Variants in USP15 observed in about 807,000 individuals in gnomAD.
The protein encoded by USP15 is ubiquitin carboxyl-terminal hydrolase 15.
USP15 carries 18 observed loss-of-function variants against 127.1 expected under a neutral mutation model. The observed-to-expected ratio is 0.14, with a 90% CI of 0.10 to 0.21. The LOEUF is 0.21. Among genes scored for constraint, USP15 ranks in the 10% least tolerant of loss-of-function variants. The pLI is 1.00. For missense variants in USP15, 805 were observed against 1,159.9 expected, an observed-to-expected ratio of 0.69 and a Z score of 4.44; for synonymous variants, 364 against 393.7, an observed-to-expected ratio of 0.92 and a Z score of 0.89.
Position 62,265,653 on chromosome 12 carries a change from T to G in USP15, c.89+5150T>G, listed in dbSNP as rs2063175024. Among the ~76,000 whole-genome samples the G allele has an allele frequency of 2.0e-5, 3 of 152,236 alleles. No individual in the cohort carries two copies. The South Asian group carries it at 6.2e-4, about 32-fold the overall frequency. On this transcript the variant is annotated intron_variant, in intron 1 of 21. Coordinates refer to ENST00000280377, the MANE Select transcript of USP15 (RefSeq NM_001252078.2). ...CTTCAAACTCCTTGGCTCAAGCAAT[T>G]TTCCTGCCTCAGCCTCTGAAATAGC...
intron 1 of USP15, chr12:62,278,687 G>A (rs540752615): frequency 6.6e-6 from 1 of 152,198 alleles, no homozygotes; most frequent in South Asian, 2.1e-4. Context: ...GTTACAGCCT[G>A]CTAAACTCAT....
chr12:62,401,336 A>T (rs1291751540), intron 21 of USP15, 61 bp downstream of exon 21: 42 of 1,346,642 alleles, frequency 3.1e-5, no homozygotes, highest in Non-Finnish European at 4.4e-5. Flanking sequence ...AGTGAATATA[A>T]ATTAATAAAA....
At chr12:62,304,721 A>T (rs1434682990) in intron 3 of USP15, 5 of 454,970 alleles carry the variant, frequency 1.1e-5, no homozygotes, top group African/African-American at 1.0e-4. Context: ...TATAAGCAGA[A>T]AATACGATGG....
chr12:62,369,212 C>G (rs1342024638), intron 8 of USP15, among the ~76,000 whole-genome samples: 1 of 152,142 alleles, frequency 6.6e-6, no homozygotes, highest in African/African-American at 2.4e-5. Flanking sequence ...GAGGCTGTAT[C>G]AGGAGGGTGA....
chr12:62,355,415 G>C lies in USP15; in HGVS notation c.855G>C (p.Gln285His). ...DYSEPGRNNEQPGLCGLSNLG... is the reference protein window; with the variant it reads ...DYSEPGRNNEHPGLCGLSNLG... Reference sequence around the variant, plus strand: ...CGGAACCTGGAAGAAACAATGAACAGCCAGGCCTCTGTGGCCTAAGTAACT... The same window carrying C: ...CGGAACCTGGAAGAAACAATGAACACCCAGGCCTCTGTGGCCTAAGTAACT... Residue 285 changes from glutamine (Q) to histidine (H), a missense_variant, in exon 8 of 22, where the codon CAG (glutamine) becomes CAC (histidine). By Grantham distance (24) the Gln-to-His change is conservative. Transcript: ENST00000280377. 1 of 1,611,106 alleles carries C rather than the reference G, an allele frequency of 6.2e-7. No homozygotes were observed.
At chr12:62,333,391 C>A (rs1217654855) in intron 6 of USP15, among the ~76,000 whole-genome samples, 1 of 152,094 alleles carries the variant, frequency 6.6e-6, no homozygotes, top group African/African-American at 2.4e-5. Context: ...CTCAGCCTCC[C>A]AAGTAGCTGG....
At chr12:62,297,803 AAAC>A (rs2064179950) in intron 2 of USP15, among the ~76,000 whole-genome samples, 1 of 152,194 alleles carries the variant, frequency 6.6e-6, no homozygotes, top group Non-Finnish European at 1.5e-5. Flanking sequence ...TGACACAAAA[AAAC>A]AAAATCTCCA....
At chr12:62,349,190 T>C in intron 6 of USP15, 31 bp from the exon 7 acceptor site, 2 of 1,253,760 alleles carry the variant, frequency 1.6e-6, no homozygotes, top group Non-Finnish European at 2.1e-6. Flanking sequence ...TTCATTTTTT[T>C]ATCTAATTTA....
intron 2 of USP15, among the ~76,000 whole-genome samples, chr12:62,297,797 A>G (rs2064179283): frequency 6.6e-6 from 1 of 152,174 alleles, no homozygotes; most frequent in Non-Finnish European, 1.5e-5. Context: ...GAAACGTGAC[A>G]CAAAAAAACA....
At chr12:62,318,843 T>G (rs1243677710) in intron 4 of USP15, among the ~76,000 whole-genome samples, 1 of 152,154 alleles carries the variant, frequency 6.6e-6, no homozygotes, top group Non-Finnish European at 1.5e-5. Context: ...CATTTCTGAT[T>G]CTTTTATTTC....
chr12:62,275,563 A>G (rs773815227), intron 1 of USP15, among the ~76,000 whole-genome samples: 1 of 152,098 alleles, frequency 6.6e-6, no homozygotes, highest in Non-Finnish European at 1.5e-5. Flanking sequence ...AAACTTGAGA[A>G]GCTTGACTGT....
intron 1 of USP15, among the ~76,000 whole-genome samples, chr12:62,269,647 C>G (rs2063297128): frequency 6.6e-6 from 1 of 151,958 alleles, no homozygotes. Context: ...TCTTGAACTC[C>G]TGGCCTCAAG....
intron 4 of USP15, 199 bp downstream of exon 4, chr12:62,315,115 C>A: frequency 4.4e-6 from 2 of 456,344 alleles, no homozygotes; most frequent in Non-Finnish European, 6.8e-6. Context: ...TGAATTTTAA[C>A]ATTTGTGCTG....
chr12:62,337,926 T>G (rs909681608), intron 6 of USP15, among the ~76,000 whole-genome samples: 2 of 152,208 alleles, frequency 1.3e-5, no homozygotes, highest in Non-Finnish European at 2.9e-5. Context: ...TTGTAAATAG[T>G]GCTGCAATAA....
intron 2 of USP15, among the ~76,000 whole-genome samples, chr12:62,302,520 C>A (rs1176887760): frequency 1.3e-5 from 2 of 152,106 alleles, no homozygotes; most frequent in African/African-American, 2.4e-5. Flanking sequence ...GCTTTGAATA[C>A]AGCCAAACAC....
rs11174463 is a variant in USP15 at position 62,406,239 on chromosome 12, G to A, written c.*1864G>A. 6.6e-6 allele frequency: 1 copy of A among 152,060 alleles called. No individual in the cohort carries two copies. The highest frequency in any genetic ancestry group is 1.5e-5 in the Non-Finnish European group (1 of 67,994). 9.4% of individuals were successfully genotyped at this position (152,060 alleles called of 1,614,324 possible). A position where few individuals can be genotyped will look rare whatever the true frequency, so the allele number is the denominator to read the frequency against. On this transcript the variant is annotated 3_prime_UTR_variant, in exon 22 of 22. Coordinates refer to ENST00000280377, the MANE Select transcript of USP15 (RefSeq NM_001252078.2). ...TAATACTAGAAAGGAAATTATGTCA[G>A]AGCAAAATGAATCCTACTATTAAGG...
intron 21 of USP15, among the ~76,000 whole-genome samples, chr12:62,402,559 A>G (rs1415276455): frequency 6.6e-6 from 1 of 152,060 alleles, no homozygotes; most frequent in African/African-American, 2.4e-5. Context: ...TTCTAAGCAA[A>G]GAAAACGGTA....
At chr12:62,348,072 G>A (rs1300072599) in intron 6 of USP15, among the ~76,000 whole-genome samples, 2 of 152,110 alleles carry the variant, frequency 1.3e-5, no homozygotes, top group East Asian at 3.9e-4. Flanking sequence ...AGCTGGGCAC[G>A]GTGGCACACG....
At chr12:62,376,351 A>G (rs1228412461) in intron 8 of USP15, among the ~76,000 whole-genome samples, 1 of 152,132 alleles carries the variant, frequency 6.6e-6, no homozygotes, top group Non-Finnish European at 1.5e-5. Context: ...TTTTTAACAT[A>G]TTTAAATTCT....
Sources: allele counts gnomAD v4.1 joint callset (sites outside exome capture counted in the v4.1 genomes callset), GRCh38; gene constraint gnomAD v4.1.1; transcripts MANE v1.5; gene names NCBI Gene and HGNC (gene_info 2026-07-23, HGNC 2026-07-21).